Variants in WDR45 observed in about 807,000 individuals in gnomAD.
WDR45 encodes the protein WD repeat domain 45.
Under a neutral mutation model 27.3 loss-of-function variants are expected in WDR45, and 2 were observed. The observed-to-expected ratio is 0.07, with a 90% CI of 0.03 to 0.23. The LOEUF (loss-of-function observed/expected upper bound fraction) is 0.23, where lower values mean the gene tolerates loss of function less well. Ranked by LOEUF, WDR45 falls within the 10% of genes least tolerant of loss-of-function variation. The probability of loss-of-function intolerance (pLI) is 1.00; values close to 1 mark genes in which losing one functional copy is unlikely to be tolerated. For synonymous variants in WDR45, 99 were observed against 119.2 expected, an observed-to-expected ratio of 0.83 and a Z score of 1.11; for missense variants, 175 against 311.9, an observed-to-expected ratio of 0.56 and a Z score of 3.31.
chrX:49,089,298 T>C (rs1557086320), intron 2 of WDR45, among the ~76,000 whole-genome samples: 1 of 103,852 alleles, frequency 9.6e-6, no homozygotes, highest in Non-Finnish European at 2.0e-5. Context: ...AAAAAATAAA[T>C]AAACTAGAAA....
chrX:49,076,141 G>GTAC, intron 6 of WDR45, 196 bp from the exon 7 acceptor site: 1 of 469,609 alleles, frequency 2.1e-6, no homozygotes, highest in Non-Finnish European at 3.7e-6. Flanking sequence ...GTGGAATCTA[G>GTAC]TAAGCTGCTA....
intron 2 of WDR45, among the ~76,000 whole-genome samples, chrX:49,087,931 T>G (rs782503092): frequency 2.0e-4 from 22 of 112,350 alleles, no homozygotes; most frequent in Non-Finnish European, 3.8e-4. Flanking sequence ...CAGTGGCAGT[T>G]GTTTAACATC....
Position 49,093,426 on chromosome X carries a change from C to T in WDR45, c.-18+6779G>A, listed in dbSNP as rs191774774. On this transcript the variant is annotated intron_variant, in intron 2 of 11. Coordinates refer to the WDR45 transcript ENST00000356463. ...GATTACAGGCTTGAGCCGCTGAGCC[C>T]GGCCAGCCCAGGCTAATCTTGAACC... Among the ~76,000 whole-genome samples, 651 of 110,867 alleles carry T rather than the reference C, an allele frequency of 5.9e-3. 8 individuals carry two copies. Among genetic ancestry groups the T allele is most frequent in the African/African-American group, 0.02 (601 of 30,510 alleles).
rs200586468 is a variant in WDR45, at chrX:49,074,905, G to A, written c.981C>T (p.Cys327=). The A allele has an allele frequency of 1.8e-5, 22 of 1,203,360 alleles. No individual in the cohort carries two copies. Among genetic ancestry groups the A allele is most frequent in the African/African-American group, 3.5e-5 (2 of 57,251 alleles). ...CATATTTGTGGAAGGTCCCATCTAC[G>A]CAGATGGCTGGGGGAGGGGGGGTGG... ...SKNVNSVIAI[C]VDGTFHKYVF... is the part of the protein sequence containing the mutation. The change falls in exon 11 of 11, where the codon TGC becomes TGT. Residue 327 remains cysteine (C), a synonymous_variant. Transcript: ENST00000376372.
In WDR45 at chrX:49,078,107, G is replaced by A. The variant is rs782603489; in HGVS notation, c.-12C>T. ...GGCTGTTGAGTCATGGTGCAGGATT[G>A]TTCCTCTGCATACAAATGGGATAAA... On this transcript the variant is annotated 5_prime_UTR_variant, in exon 2 of 11. Coordinates refer to ENST00000376372, the MANE Select transcript of WDR45 (RefSeq NM_001029896.2). 26 of 1,210,331 alleles carry A rather than the reference G, an allele frequency of 2.1e-5. No homozygotes were observed. The highest frequency in any genetic ancestry group is 2.9e-5 in the Non-Finnish European group (26 of 894,033).
intron 2 of WDR45, among the ~76,000 whole-genome samples, chrX:49,088,887 A>T (rs988602042): frequency 8.9e-6 from 1 of 112,204 alleles, no homozygotes; most frequent in Non-Finnish European, 1.9e-5. Flanking sequence ...ACTAAACAGC[A>T]GTGATAATAA....
chrX:49,080,752 A>G (rs1200927596), upstream of WDR45, among the ~76,000 whole-genome samples: 1 of 101,409 alleles, frequency 9.9e-6, no homozygotes. Context: ...CTCTGCTTTT[A>G]TTTTTACAAA....
At chrX:49,078,536 G>T (rs2065051082) in intron 1 of WDR45, among the ~76,000 whole-genome samples, 1 of 111,651 alleles carries the variant, frequency 9.0e-6, no homozygotes, top group African/African-American at 3.3e-5. Flanking sequence ...GGAAGAAAAA[G>T]ATAAAAACAG....
At chrX:49,078,389 G>A (rs1359651825) in intron 1 of WDR45, among the ~76,000 whole-genome samples, 1 of 112,104 alleles carries the variant, frequency 8.9e-6, no homozygotes, top group Non-Finnish European at 1.9e-5. Context: ...GGGTGTGGTG[G>A]GGGGCACCTA....
intron 6 of WDR45, 86 bp downstream of exon 6, chrX:49,076,344 T>G: frequency 1.0e-6 from 1 of 955,837 alleles, no homozygotes. Flanking sequence ...TGTGTGTGAG[T>G]GCCCCTTCCT....
intron 1 of WDR45, 98 bp from the exon 2 acceptor site, chrX:49,078,210 T>C: frequency 1.2e-6 from 1 of 819,383 alleles, no homozygotes; most frequent in Non-Finnish European, 1.8e-6. Flanking sequence ...AACTACTGAC[T>C]CTGGAGTGAC....
At position 49,078,001 on chromosome X, in the gene WDR45, C is replaced by T. The variant is rs201630757; in HGVS notation, c.55+40G>A. Reference sequence around the variant, plus strand: ...GCCCACTTCTGACCCCTCTTTTCCTCGCTTCCTCCCACAAGGGTACAGGCC... The same window carrying T: ...GCCCACTTCTGACCCCTCTTTTCCTTGCTTCCTCCCACAAGGGTACAGGCC... On this transcript the variant is annotated intron_variant, in intron 2 of 10. Coordinates refer to ENST00000376372, the MANE Select transcript of WDR45 (RefSeq NM_001029896.2). The T allele has an allele frequency of 1.6e-3, 1,951 of 1,209,865 alleles. 4 individuals carry two copies. The highest frequency in any genetic ancestry group is 2.1e-3 in the Non-Finnish European group (1,843 of 894,363).
Position 49,076,500 on chromosome X carries a change from G to T in WDR45, c.366C>A (p.Arg122=), listed in dbSNP as rs1557084261. 2 of 1,212,092 alleles carry T rather than the reference G, an allele frequency of 1.7e-6. No homozygotes were observed. Among genetic ancestry groups the T allele is most frequent in the Non-Finnish European group, 1.1e-6 (1 of 895,559 alleles). The change falls in exon 6 of 11, where the codon CGC becomes CGA. Residue 122 remains arginine, a synonymous_variant. Coordinates refer to ENST00000376372, the MANE Select transcript of WDR45 (RefSeq NM_001029896.2). ...HDKIVIVLKN[R]IYVYSFPDNP... ...TGTCGGGGAAGGAGTACACATAGAT[G>T]CGGTTCTTCAGCACGATCACGATCC... is the stretch of plus-strand genomic sequence containing the variant.
chrX:49,078,147 T>C (rs2065048798), intron 1 of WDR45, 35 bp from the exon 2 acceptor site: 5 of 1,150,951 alleles, frequency 4.3e-6, no homozygotes, highest in African/African-American at 1.8e-5. Flanking sequence ...AGAAGAGTCC[T>C]GGAATCTCCC....
At chrX:49,099,814 C>A (rs1557087873) in intron 2 of WDR45, among the ~76,000 whole-genome samples, 2 of 101,436 alleles carry the variant, frequency 2.0e-5, no homozygotes, top group African/African-American at 7.1e-5. Flanking sequence ...CAAAAAAAAA[C>A]ACACAGTGTT....
At position 49,074,759 on chromosome X, in the gene WDR45, T is replaced by C. The variant is rs1557083790; in HGVS notation, c.*44A>G. 4 of 1,099,422 alleles carry C rather than the reference T, an allele frequency of 3.6e-6. No homozygotes were observed. The Admixed American group carries it at 8.8e-5, about 24-fold the overall frequency. 90.6% of individuals were successfully genotyped at this position (1,099,422 alleles called of 1,213,427 possible). ...ACGCCCCACTGCCAAGGCTCAGCTC[T>C]GCAGTTCTGCCACTGCAGGTCCCTA... On this transcript the variant is annotated 3_prime_UTR_variant, in exon 11 of 11. Coordinates refer to ENST00000376372, the MANE Select transcript of WDR45 (RefSeq NM_001029896.2).
intron 1 of WDR45, chrX:49,078,916 T>C (rs1015612933): frequency 8.9e-6 from 1 of 112,004 alleles, no homozygotes; most frequent in African/African-American, 3.3e-5. Context: ...TGGTCTGCCA[T>C]CCCCAGGAAC....
intron 2 of WDR45, among the ~76,000 whole-genome samples, chrX:49,093,806 G>T (rs782789250): frequency 9.3e-6 from 1 of 107,046 alleles, no homozygotes; most frequent in African/African-American, 3.4e-5. Context: ...TCCCCAAAGT[G>T]CTGGGATTAC....
chrX:49,076,615 A>G (rs1052492642), intron 5 of WDR45, 30 bp downstream of exon 5: 5 of 1,200,819 alleles, frequency 4.2e-6, no homozygotes, highest in Non-Finnish European at 4.5e-6. Context: ...GGGACCTCCT[A>G]CCTCCCACCC....
Sources: allele counts gnomAD v4.1 joint callset (sites outside exome capture counted in the v4.1 genomes callset), GRCh38; gene constraint gnomAD v4.1.1; transcripts MANE v1.5; gene names NCBI Gene and HGNC (gene_info 2026-07-23, HGNC 2026-07-21).